Variants in THOP1 observed in about 807,000 individuals in gnomAD.
The protein encoded by THOP1 is thimet oligopeptidase.
THOP1 carries 49 observed loss-of-function variants against 71.8 expected under a neutral mutation model. The ratio of observed to expected loss-of-function variants is 0.68; its 90% CI spans 0.54 to 0.87. THOP1 has a LOEUF of 0.87. Among genes scored for constraint, THOP1 ranks in the 40% least tolerant of loss-of-function variants. The probability of loss-of-function intolerance (pLI) is 0.00; values close to 1 mark genes in which losing one functional copy is unlikely to be tolerated. For missense variants in THOP1, 843 were observed against 975.6 expected, an observed-to-expected ratio of 0.86 and a Z score of 1.81; for synonymous variants, 426 against 421.5, an observed-to-expected ratio of 1.01 and a Z score of -0.13.
At chr19:2,795,767 C>T (rs139683704) in intron 3 of THOP1, among the ~76,000 whole-genome samples, 3 of 152,124 alleles carry the variant, frequency 2.0e-5, no homozygotes, top group South Asian at 2.1e-4. Flanking sequence ...CCAGTGATGA[C>T]GTTTTGCAAA....
chr19:2,787,430 G>A (rs1343410308), intron 1 of THOP1, among the ~76,000 whole-genome samples: 2 of 151,662 alleles, frequency 1.3e-5, no homozygotes, highest in East Asian at 3.8e-4. Context: ...ATGAACTGAC[G>A]TCCACAAGTT....
At position 2,811,714 on chromosome 19, in the gene THOP1, G is replaced by A; in HGVS notation, c.1888G>A (p.Glu630Lys). ...MDMFHTRFKQ[E>K]GVLNSKVGMD... The stretch of plus-strand genomic sequence containing the variant: ...CATGTTCCACACGCGCTTCAAGCAG[G>A]AGGGTGTCCTGAACAGCAAGGTACG... The change falls in exon 12 of 13, where the codon GAG (glutamate) becomes AAG (lysine). Residue 630 changes from glutamate to lysine, a missense_variant. By Grantham distance (56) the Glu-to-Lys change is moderately conservative. Coordinates refer to ENST00000307741, the MANE Select transcript of THOP1 (RefSeq NM_003249.5). 1 of 1,613,402 alleles carries A rather than the reference G, an allele frequency of 6.2e-7. No individual in the cohort carries two copies. The highest frequency in any genetic ancestry group is 8.5e-7 in the Non-Finnish European group (1 of 1,179,914).
chr19:2,797,244 T>G (rs1916038595), intron 4 of THOP1, among the ~76,000 whole-genome samples: 1 of 152,150 alleles, frequency 6.6e-6, no homozygotes, highest in African/African-American at 2.4e-5. Context: ...GGCCGGTGGA[T>G]GGTGCCCCAG....
chr19:2,810,985 AG>A (rs1179410201), intron 11 of THOP1, among the ~76,000 whole-genome samples: 1 of 152,200 alleles, frequency 6.6e-6, no homozygotes, highest in Non-Finnish European at 1.5e-5. Context: ...AGCCCCCAGG[AG>A]GAGTGTGTTC....
intron 4 of THOP1, among the ~76,000 whole-genome samples, chr19:2,797,083 G>A (rs2144765338): frequency 6.6e-6 from 1 of 152,306 alleles, no homozygotes; most frequent in African/African-American, 2.4e-5. Context: ...GCTGGGTCAG[G>A]AGGTGTGCTC....
In THOP1 at chr19:2,795,495, T is replaced by A. The variant is rs142876530; in HGVS notation, c.378+583T>A. Among the ~76,000 whole-genome samples, 6 of 152,370 alleles carry A rather than the reference T, an allele frequency of 3.9e-5. No homozygotes were observed. In the East Asian group the frequency reaches 1.2e-3, roughly 29 times the overall value. ...TAGGCGAGGACCCCTGGGAATGTGC[T>A]GATGTGTCCCACAGTCTCAGGATCA... On this transcript the variant is annotated intron_variant, in intron 3 of 12. Transcript: ENST00000307741.
intron 6 of THOP1, 65 bp from the exon 7 acceptor site, chr19:2,806,852 C>T (rs904440408): frequency 1.1e-5 from 17 of 1,607,036 alleles, no homozygotes; most frequent in Admixed American, 1.7e-5. Flanking sequence ...TGGGACAGGG[C>T]GTGCTGGCCC....
At chr19:2,810,820 C>T (rs762370752) in intron 11 of THOP1, 52 bp downstream of exon 11, 2 of 1,571,330 alleles carry the variant, frequency 1.3e-6, no homozygotes, top group Admixed American at 1.8e-5. Flanking sequence ...TCAGCTGCTT[C>T]CCTGGGAAGG....
chr19:2,799,312 G>A (rs1263139087), intron 4 of THOP1, among the ~76,000 whole-genome samples: 1 of 152,176 alleles, frequency 6.6e-6, no homozygotes. Context: ...GCAACAGAGC[G>A]AGTCCCTGTC....
chr19:2,804,111 C>T lies in THOP1; in HGVS notation c.590-905C>T, dbSNP rs1916228924. On this transcript the variant is annotated intron_variant, in intron 5 of 12. Transcript: ENST00000307741. The surrounding 1 kb of genome is among the most constrained non-coding windows in gnomAD (Gnocchi z 4.7). Reference sequence around the variant, plus strand: ...CTCCCGATCATTCTTTCCACTCTGACCGCCCTGGGGTTGAGGTGAACCAGT... The same window carrying T: ...CTCCCGATCATTCTTTCCACTCTGATCGCCCTGGGGTTGAGGTGAACCAGT... 6.6e-6 allele frequency among the ~76,000 whole-genome samples: 1 copy of T among 152,218 alleles called. No individual in the cohort carries two copies. The highest frequency in any genetic ancestry group is 2.1e-4 in the South Asian group (1 of 4,830).
At position 2,812,048 on chromosome 19, in the gene THOP1, A is replaced by G. The variant is rs373683980; in HGVS notation, c.1908+314A>G. 30 of 1,125,608 alleles carry G rather than the reference A, an allele frequency of 2.7e-5. No homozygotes were observed. In the African/African-American group the frequency reaches 4.0e-4, roughly 15 times the overall value. 69.7% of individuals were successfully genotyped at this position (1,125,608 alleles called of 1,614,324 possible). ...GCAGGAAGCTCCACACTGGCCCCTC[A>G]GGCCTCGGGCTGTGAGTGCTGGGAG... On this transcript the variant is annotated intron_variant, in intron 12 of 12. Transcript: ENST00000307741.
rs143639213 is a variant in THOP1, at chr19:2,801,438, G to A, written c.589+1647G>A. ...ATTTGTCGGGCCTGAGGGGTCTCCCGTGCAGGTGGCTTGAGTCCCATGTGG... is the reference window on the plus strand; with the variant it reads ...ATTTGTCGGGCCTGAGGGGTCTCCCATGCAGGTGGCTTGAGTCCCATGTGG... On this transcript the variant is annotated intron_variant, in intron 5 of 12. Coordinates refer to ENST00000307741, the MANE Select transcript of THOP1 (RefSeq NM_003249.5). This position sits in a 1 kb window ranked among gnomAD's most constrained non-coding sequence, Gnocchi z 5.1. Among the ~76,000 whole-genome samples the A allele has an allele frequency of 1.3e-5, 2 of 152,286 alleles. No homozygotes were observed. The highest frequency in any genetic ancestry group is 1.9e-4 in the East Asian group (1 of 5,178).
At chr19:2,787,494 A>C (rs1173150911) in intron 1 of THOP1, among the ~76,000 whole-genome samples, 1 of 152,150 alleles carries the variant, frequency 6.6e-6, no homozygotes, top group Non-Finnish European at 1.5e-5. Context: ...GTTCCCATCC[A>C]TCTCCATCCT....
At chr19:2,791,137 G>T (rs973554913) in intron 2 of THOP1, among the ~76,000 whole-genome samples, 1 of 152,186 alleles carries the variant, frequency 6.6e-6, no homozygotes, top group Non-Finnish European at 1.5e-5. Flanking sequence ...ATGTCCTCGG[G>T]CGTCCTCCTC....
chr19:2,814,558 T>C lies in THOP1; in HGVS notation c.*1282T>C, dbSNP rs1209891175. ...CCCATTCCCACCCAGCCCAGGTCAG[T>C]GTGGCTGTGGCCACTGCCATGGGGC... On this transcript the variant is annotated 3_prime_UTR_variant, in exon 13 of 13. Transcript: ENST00000307741. 6.6e-6 allele frequency: 1 copy of C among 152,356 alleles called. No homozygotes were observed. The highest frequency in any genetic ancestry group is 1.9e-4 in the East Asian group (1 of 5,200). 9.4% of individuals were successfully genotyped at this position (152,356 alleles called of 1,614,324 possible).
chr19:2,790,843 G>T (rs1248320268), intron 2 of THOP1, among the ~76,000 whole-genome samples: 5 of 152,236 alleles, frequency 3.3e-5, no homozygotes, highest in African/African-American at 1.2e-4. Context: ...GGCAGGTGCT[G>T]GTCACTAGAG....
At chr19:2,807,927 A>T in intron 8 of THOP1, 119 bp downstream of exon 8, 1 of 1,200,904 alleles carries the variant, frequency 8.3e-7, no homozygotes, top group Non-Finnish European at 1.1e-6. Context: ...TCGGGGATGA[A>T]CCCCGAGACG....
chr19:2,797,540 G>A (rs2144765853), intron 4 of THOP1, among the ~76,000 whole-genome samples: 1 of 152,348 alleles, frequency 6.6e-6, no homozygotes, highest in South Asian at 2.1e-4. Flanking sequence ...GAAAACCGAA[G>A]TTACATGAGA....
Position 2,785,668 on chromosome 19 carries a change from G to GC in THOP1, c.12dup (p.Ala5ArgfsTer45), listed in dbSNP as rs1303190139. 9 of 1,500,852 alleles carry GC rather than the reference G, an allele frequency of 6.0e-6. No individual in the cohort carries two copies. Among genetic ancestry groups the GC allele is most frequent in the South Asian group, 5.2e-5 (4 of 77,606 alleles). The allele number at this position is 1,500,852 out of a possible 1,614,324, so 93.0% of individuals were successfully genotyped here. A position where few individuals can be genotyped will look rare whatever the true frequency, so the allele number is the denominator to read the frequency against. On this transcript the variant is annotated frameshift_variant, in exon 1 of 13. Transcript: ENST00000307741. LOFTEE classifies it high-confidence loss of function. ...CAGGCGCAGACCCACCCGCCATGAAGCCCCCCGCAGGTACCGACTACCCCG... is the reference window on the plus strand; with the variant it reads ...CAGGCGCAGACCCACCCGCCATGAAGCCCCCCCGCAGGTACCGACTACCCCG...
Sources: allele counts gnomAD v4.1 joint callset (sites outside exome capture counted in the v4.1 genomes callset), GRCh38; gene constraint gnomAD v4.1.1; non-coding constraint Gnocchi (gnomAD v3.1); transcripts MANE v1.5; gene names NCBI Gene and HGNC (gene_info 2026-07-23, HGNC 2026-07-21).